The following TASOR2 variants were observed in gnomAD, a reference collection of about 807,000 sequenced individuals.
TASOR2 encodes transcription activation suppressor family member 2.
In TASOR2, 84 loss-of-function variants were observed where a neutral mutation model predicts 199.5. That is an observed-to-expected ratio of 0.42 (90% CI 0.35 to 0.50). TASOR2 has a LOEUF of 0.50. Among genes scored for constraint, TASOR2 ranks in the 20% least tolerant of loss-of-function variants. The pLI is 0.02. For synonymous variants in TASOR2, 1,103 were observed against 1,046.6 expected (o/e 1.05, Z -1.04); for missense variants, 2,796 against 2,835.9 (o/e 0.99, Z 0.32).
intron 10 of TASOR2, among the ~76,000 whole-genome samples, chr10:5,728,169 C>G (rs1319092761): frequency 2.1e-5 from 3 of 146,310 alleles, no homozygotes; most frequent in African/African-American, 5.1e-5. Context: ...TGCAGCGAGC[C>G]AAGACTGTGT....
In TASOR2 at chr10:5,706,398, G is replaced by C. The variant is rs1240813405; in HGVS notation, c.-287-6425G>C. The stretch of plus-strand genomic sequence containing the variant: ...TGTTGAATCTGTAGATCAATTTTGT[G>C]TCTTAACATCCCCCAGCAAAGTTAG... On this transcript the variant is annotated intron_variant, in intron 1 of 20. Coordinates refer to ENST00000328090, the Ensembl canonical transcript of TASOR2. This position sits in a 1 kb window ranked among gnomAD's most constrained non-coding sequence, Gnocchi z 4.8. Among the ~76,000 whole-genome samples the C allele has an allele frequency of 2.0e-5, 3 of 152,076 alleles. No individual in the cohort carries two copies.
At chr10:5,733,316 T>C (rs905254926) in intron 11 of TASOR2, among the ~76,000 whole-genome samples, 10 of 152,168 alleles carry the variant, frequency 6.6e-5, no homozygotes, top group African/African-American at 2.2e-4. Flanking sequence ...GAGACCTGCC[T>C]GGCCAACATG....
intron 1 of TASOR2, among the ~76,000 whole-genome samples, chr10:5,691,403 C>G (rs770827468): frequency 1.3e-5 from 2 of 151,916 alleles, no homozygotes; most frequent in Non-Finnish European, 1.5e-5. Flanking sequence ...AATAAGCAAG[C>G]CACAGCTAAA....
intron 1 of TASOR2, among the ~76,000 whole-genome samples, chr10:5,691,830 A>G (rs1337206055): frequency 6.6e-6 from 1 of 152,142 alleles, no homozygotes; most frequent in Non-Finnish European, 1.5e-5. Context: ...AAGGGACCTC[A>G]TCCCTACCCC....
chr10:5,763,499 T>G (rs899174481), exon 21 of TASOR2: 1 of 152,938 alleles, frequency 6.5e-6, no homozygotes, highest in Admixed American at 6.5e-5. Flanking sequence ...ACATAAAACA[T>G]TTTTTCCTAA....
chr10:5,755,042 GTC>G (rs1838715667), intron 15 of TASOR2, among the ~76,000 whole-genome samples: 2 of 70,526 alleles, frequency 2.8e-5, no homozygotes, highest in East Asian at 6.6e-4. Context: ...CAAGACTCTT[GTC>G]TCAAAAAAAA....
rs566324570 is a variant in TASOR2, at chr10:5,706,377, G to T, written c.-287-6446G>T. On this transcript the variant is annotated intron_variant, in intron 1 of 20. Transcript: ENST00000328090. The surrounding 1 kb of genome is among the most constrained non-coding windows in gnomAD (Gnocchi z 4.8). ...AGTTTCTGCAAACTGAGATTGTGTT[G>T]AATCTGTAGATCAATTTTGTGTCTT... Among the ~76,000 whole-genome samples the T allele has an allele frequency of 6.6e-6, 1 of 152,212 alleles. No homozygotes were observed. The highest frequency in any genetic ancestry group is 1.9e-4 in the East Asian group (1 of 5,178).
At chr10:5,686,409 C>T (rs1051689016) in intron 1 of TASOR2, among the ~76,000 whole-genome samples, 16 of 152,092 alleles carry the variant, frequency 1.1e-4, no homozygotes, top group Non-Finnish European at 8.8e-5. Context: ...ATCAATATGG[C>T]ATGTATTTAT....
intron 1 of TASOR2, among the ~76,000 whole-genome samples, chr10:5,702,980 T>C (rs556513601): frequency 1.3e-5 from 2 of 152,270 alleles, no homozygotes; most frequent in South Asian, 4.1e-4. Context: ...TCAAAGAACA[T>C]GTGAGCCAAA....
chr10:5,688,685 C>CT (rs752370252), intron 1 of TASOR2, among the ~76,000 whole-genome samples: 17 of 152,098 alleles, frequency 1.1e-4, no homozygotes, highest in Non-Finnish European at 2.5e-4. Flanking sequence ...TTGTGCAGCT[C>CT]TTTCACATGA....
rs1835767020 is a variant in TASOR2, at chr10:5,685,982, G to A, written c.-288+807G>A. ...CATTCGCGATCCTAGAGTCTACAGTGTTCCCTGAATAAAACTAGGGGTGAG... is the reference window on the plus strand; with the variant it reads ...CATTCGCGATCCTAGAGTCTACAGTATTCCCTGAATAAAACTAGGGGTGAG... On this transcript the variant is annotated intron_variant, in intron 1 of 20. Transcript: ENST00000328090. This position sits in a 1 kb window ranked among gnomAD's most constrained non-coding sequence, Gnocchi z 5.4. Among the ~76,000 whole-genome samples the A allele has an allele frequency of 6.6e-6, 1 of 152,202 alleles. No individual in the cohort carries two copies. Among genetic ancestry groups the A allele is most frequent in the South Asian group, 2.1e-4 (1 of 4,830 alleles).
At chr10:5,717,775 T>A in intron 3 of TASOR2, 25 bp downstream of exon 4, 1 of 925,522 alleles carries the variant, frequency 1.1e-6, no homozygotes, top group East Asian at 3.3e-5. Flanking sequence ...TGCTGTTACG[T>A]GATTTCCTTT....
Position 5,714,195 on chromosome 10 carries a change from G to A in TASOR2, c.-192+1277G>A, listed in dbSNP as rs1832300816. 8.1e-7 allele frequency: 1 copy of A among 1,231,668 alleles called. No individual in the cohort carries two copies. Among genetic ancestry groups the A allele is most frequent in the African/African-American group, 1.6e-5 (1 of 64,346 alleles). The allele number at this position is 1,231,668 out of a possible 1,614,324, so 76.3% of individuals were successfully genotyped here. A position where few individuals can be genotyped will look rare whatever the true frequency, so the allele number is the denominator to read the frequency against. On this transcript the variant is annotated intron_variant, in intron 2 of 20. It removes the in-frame stop codon of an upstream open reading frame in the 5' UTR. Coordinates refer to ENST00000328090, the Ensembl canonical transcript of TASOR2. Reference sequence around the variant, plus strand: ...CAGCAGTGCTGTTACCACTCTGGGTGATCCAGCCAAAGGTAAGTCCGTAAA... The same window carrying A: ...CAGCAGTGCTGTTACCACTCTGGGTAATCCAGCCAAAGGTAAGTCCGTAAA...
Position 5,725,871 on chromosome 10 carries a change from A to G in TASOR2, c.352-1014A>G, listed in dbSNP as rs1254738399. Among the ~76,000 whole-genome samples, 5 of 152,350 alleles carry G rather than the reference A, an allele frequency of 3.3e-5. No individual in the cohort carries two copies. In the East Asian group the frequency reaches 7.7e-4, roughly 23 times the overall value. ...ACAAATATGTAAGTCATCATGTGAC[A>G]TACAACACATAGGGGCTCTCATAGA... On this transcript the variant is annotated intron_variant, in intron 8 of 20. Coordinates refer to ENST00000328090, the Ensembl canonical transcript of TASOR2.
intron 2 of TASOR2, among the ~76,000 whole-genome samples, chr10:5,713,476 C>A (rs565735588): frequency 6.6e-6 from 1 of 151,942 alleles, no homozygotes; most frequent in South Asian, 2.1e-4. Flanking sequence ...TTAAACAATA[C>A]CAGAGATCTA....
chr10:5,729,229 A>G (rs1223538852), intron 10 of TASOR2, among the ~76,000 whole-genome samples: 3 of 152,162 alleles, frequency 2.0e-5, no homozygotes, highest in Non-Finnish European at 2.9e-5. Context: ...CATGCATATA[A>G]TTCCAGCTAC....
chr10:5,753,744 C>T (rs538564648), intron 15 of TASOR2, among the ~76,000 whole-genome samples: 14 of 152,274 alleles, frequency 9.2e-5, no homozygotes, highest in South Asian at 2.1e-4. Context: ...CTTGCCATTT[C>T]GGTAAGCAGC....
chr10:5,696,237 A>G (rs565532316), intron 1 of TASOR2, among the ~76,000 whole-genome samples: 3 of 152,248 alleles, frequency 2.0e-5, no homozygotes, highest in Non-Finnish European at 4.4e-5. Context: ...CCCATGGCAC[A>G]GTATTTAACA....
Position 5,748,629 on chromosome 10 carries a change from G to A in TASOR2, c.5208G>A (p.Val1736=). ...AAGCCATCCACACGCTGCAAGATGT[G>A]TCAACATGTGAAACAAAGGAGCTAT... is the stretch of plus-strand genomic sequence containing the variant. The change falls in exon 15 of 21, where the codon GTG becomes GTA. Residue 1736 remains valine (V), a synonymous_variant. Transcript: ENST00000328090. The surrounding 1 kb of genome is among the most constrained non-coding windows in gnomAD (Gnocchi z 5.1). 1.2e-6 allele frequency: 2 copies of A among 1,614,186 alleles called. No homozygotes were observed. Among genetic ancestry groups the A allele is most frequent in the South Asian group, 2.2e-5 (2 of 91,078 alleles).
Sources: gnomAD v4.1 joint callset for allele counts (sites outside exome capture counted in the v4.1 genomes callset) on GRCh38, gnomAD v4.1.1 for gene constraint, Gnocchi (gnomAD v3.1) non-coding constraint, MANE v1.5 for transcripts, NCBI Gene and HGNC (gene_info 2026-07-23, HGNC 2026-07-21) for gene names.